ZFHX3: variants seen among roughly 807,000 people sequenced by gnomAD.
ZFHX3 encodes the protein zinc finger homeobox protein 3.
A neutral mutation model predicts 279.1 loss-of-function variants in ZFHX3; 42 were observed. That is an observed-to-expected ratio of 0.15 (90% CI 0.12 to 0.19). The LOEUF is 0.19. Ranked by LOEUF, ZFHX3 falls within the 10% of genes least tolerant of loss-of-function variation. The pLI is 1.00. For missense variants in ZFHX3, 4,981 were observed against 4,754.0 expected (o/e 1.05, Z -1.40); for synonymous variants, 2,293 against 1,957.8 (o/e 1.17, Z -4.52).
intron 5 of ZFHX3, among the ~76,000 whole-genome samples, chr16:73,166,929 T>C (rs111999331): frequency 0.01 from 1,563 of 152,296 alleles, 13 homozygotes; most frequent in South Asian, 0.023. Context: ...CTTAATGTCA[T>C]TGACAACACA....
intron 1 of ZFHX3, among the ~76,000 whole-genome samples, chr16:73,752,035 A>G (rs1403492131): frequency 6.6e-6 from 1 of 152,194 alleles, no homozygotes; most frequent in Non-Finnish European, 1.5e-5. Context: ...ACTCCAGGGC[A>G]CAGGCCTGGC....
chr16:73,186,018 G>A (rs925826127), intron 5 of ZFHX3, among the ~76,000 whole-genome samples: 1 of 152,178 alleles, frequency 6.6e-6, no homozygotes, highest in Non-Finnish European at 1.5e-5. Flanking sequence ...CTGCATATGC[G>A]AGGGATCTAG....
At chr16:73,726,243 T>C (rs6564490) in intron 1 of ZFHX3, among the ~76,000 whole-genome samples, 9,608 of 152,196 alleles carry the variant, frequency 0.063, 450 homozygotes, top group African/African-American at 0.12. Flanking sequence ...GGCTGGCTCT[T>C]AAATTGTGAG....
At chr16:73,293,986 CAAAAAAAAAAAA>C (rs56783722) in intron 4 of ZFHX3, 2 of 41,750 alleles carry the variant, frequency 4.8e-5, no homozygotes, top group South Asian at 1.1e-3. Context: ...GTCAATATGC[CAAAAAAAAAAAA>C]AAAAAAAAAA....
At chr16:73,264,988 A>ATT (rs1248104065) in intron 4 of ZFHX3, among the ~76,000 whole-genome samples, 1 of 146,682 alleles carries the variant, frequency 6.8e-6, no homozygotes, top group Non-Finnish European at 1.5e-5. Flanking sequence ...ATATGTGTGT[A>ATT]TTATATATAT....
At chr16:73,417,834 A>T (rs887653206) in intron 3 of ZFHX3, among the ~76,000 whole-genome samples, 1 of 150,736 alleles carries the variant, frequency 6.6e-6, no homozygotes, top group Non-Finnish European at 1.5e-5. Context: ...ATAAAAAAAT[A>T]AAAAATTAGC....
intron 5 of ZFHX3, among the ~76,000 whole-genome samples, chr16:73,197,785 G>A (rs1185365613): frequency 1.3e-5 from 2 of 151,944 alleles, no homozygotes. Flanking sequence ...GCTGGCCGTT[G>A]GTTCAAATCC....
At chr16:73,419,688 C>G (rs1157830580) in intron 3 of ZFHX3, among the ~76,000 whole-genome samples, 3 of 152,004 alleles carry the variant, frequency 2.0e-5, no homozygotes, top group Non-Finnish European at 2.9e-5. Flanking sequence ...AAGCCATCCT[C>G]CCACCTGCCT....
At chr16:73,859,500 G>A (rs1961826314) in intron 1 of ZFHX3, among the ~76,000 whole-genome samples, 1 of 152,192 alleles carries the variant, frequency 6.6e-6, no homozygotes, top group Non-Finnish European at 1.5e-5. Context: ...CCTTGAGTAA[G>A]TCATTGCATT....
intron 2 of ZFHX3, among the ~76,000 whole-genome samples, chr16:73,464,786 G>C: frequency 6.6e-6 from 1 of 152,246 alleles, no homozygotes; most frequent in East Asian, 1.9e-4. Flanking sequence ...GTCCAACTTA[G>C]TCCCAGACCC....
intron 1 of ZFHX3, among the ~76,000 whole-genome samples, chr16:73,743,973 A>G (rs1199219124): frequency 6.6e-6 from 1 of 152,158 alleles, no homozygotes; most frequent in Non-Finnish European, 1.5e-5. Flanking sequence ...CATCCTCTCT[A>G]CATAACAGTC....
chr16:73,066,280 G>T (rs1388257852), intron 8 of ZFHX3, among the ~76,000 whole-genome samples: 2 of 152,036 alleles, frequency 1.3e-5, no homozygotes, highest in Non-Finnish European at 2.9e-5. Context: ...GCTGGATGTT[G>T]TATAGCGCAG....
chr16:72,839,438 A>G (rs2037288482), intron 4 of ZFHX3, among the ~76,000 whole-genome samples: 1 of 152,146 alleles, frequency 6.6e-6, no homozygotes, highest in Admixed American at 6.5e-5. Flanking sequence ...ACCTCACACC[A>G]AACTGGAATG....
chr16:73,512,272 C>CAAAAA (rs3087038), intron 2 of ZFHX3, among the ~76,000 whole-genome samples: 9 of 87,842 alleles, frequency 1.0e-4, no homozygotes, highest in Non-Finnish European at 2.0e-4. Flanking sequence ...CACTAAAATA[C>CAAAAA]AAAAAAAAAA....
intron 1 of ZFHX3, among the ~76,000 whole-genome samples, chr16:73,695,261 G>C (rs1227565760): frequency 7.4e-6 from 1 of 135,276 alleles, no homozygotes. Flanking sequence ...TTTTGAGATG[G>C]GGTCTTCCTC....
At chr16:73,883,704 T>C (rs1395510537) in intron 1 of ZFHX3, among the ~76,000 whole-genome samples, 1 of 151,754 alleles carries the variant, frequency 6.6e-6, no homozygotes, top group East Asian at 1.9e-4. Context: ...CCTAAGTGAA[T>C]ATTTTTATAA....
At chr16:73,873,228 G>A (rs1254184909) in intron 1 of ZFHX3, among the ~76,000 whole-genome samples, 7 of 103,244 alleles carry the variant, frequency 6.8e-5, no homozygotes, top group Non-Finnish European at 2.0e-5. Flanking sequence ...GGTGGGTGGT[G>A]GTGGGTGGTA....
chr16:73,293,900 A>G lies in ZFHX3; in HGVS notation c.-1194+24340T>C, dbSNP rs919680132. 2.8e-5 allele frequency: 4 copies of G among 141,458 alleles called. No individual in the cohort carries two copies. The South Asian group carries it at 8.9e-4, about 32-fold the overall frequency. 8.8% of individuals were successfully genotyped at this position (141,458 alleles called of 1,614,324 possible). On this transcript the variant is annotated intron_variant, in intron 4 of 17. Transcript: ENST00000641206. Reference sequence around the variant, plus strand: ...TCATTGGCAAGAACTTCCATTGTACATTTGTTTCATCCGTTTTACTTTGAT... The same window carrying G: ...TCATTGGCAAGAACTTCCATTGTACGTTTGTTTCATCCGTTTTACTTTGAT...
intron 2 of ZFHX3, chr16:73,487,471 G>T: frequency 2.3e-6 from 1 of 440,556 alleles, no homozygotes; most frequent in Non-Finnish European, 4.5e-6. Context: ...CATGATTATG[G>T]CTCCTTGCAG....
Sources: allele counts gnomAD v4.1 joint callset (sites outside exome capture counted in the v4.1 genomes callset), GRCh38; gene constraint gnomAD v4.1.1; transcripts MANE v1.5; gene names NCBI Gene and HGNC (gene_info 2026-07-23, HGNC 2026-07-21).